CACNA2D1: variants seen among roughly 807,000 people sequenced by gnomAD.
The protein encoded by CACNA2D1 is voltage-dependent calcium channel subunit alpha-2/delta-1.
A neutral mutation model predicts 171.5 loss-of-function variants in CACNA2D1; 53 were observed. That is an observed-to-expected ratio of 0.31 (90% CI 0.25 to 0.39). CACNA2D1 has a LOEUF of 0.39. Among genes scored for constraint, CACNA2D1 ranks in the 10% least tolerant of loss-of-function variants. CACNA2D1 has a pLI of 1.00. For missense variants in CACNA2D1, 903 were observed against 1,299.8 expected, an observed-to-expected ratio of 0.69 and a Z score of 4.69; for synonymous variants, 442 against 443.1, an observed-to-expected ratio of 1.00 and a Z score of 0.03.
chr7:82,194,383 T>C (rs757590722), intron 3 of CACNA2D1, among the ~76,000 whole-genome samples: 1 of 152,060 alleles, frequency 6.6e-6, no homozygotes, highest in Non-Finnish European at 1.5e-5. Flanking sequence ...TTATTTCTTA[T>C]GCTGGAATGG....
intron 3 of CACNA2D1, among the ~76,000 whole-genome samples, chr7:82,290,186 T>C (rs978008727): frequency 2.0e-5 from 3 of 152,150 alleles, no homozygotes; most frequent in Non-Finnish European, 4.4e-5. Flanking sequence ...TTAATGAAGT[T>C]CTGAACTAAG....
At chr7:82,069,397 T>C (rs1047818765) in intron 7 of CACNA2D1, among the ~76,000 whole-genome samples, 3 of 152,170 alleles carry the variant, frequency 2.0e-5, no homozygotes, top group African/African-American at 4.8e-5. Context: ...GAACTGAAAA[T>C]GACAGTTCAC....
At chr7:82,245,116 A>G (rs1804749190) in intron 3 of CACNA2D1, among the ~76,000 whole-genome samples, 1 of 152,194 alleles carries the variant, frequency 6.6e-6, no homozygotes. Context: ...TTTTCTAACA[A>G]AGCATAAAGC....
chr7:82,411,405 A>C (rs1367111475), intron 1 of CACNA2D1, among the ~76,000 whole-genome samples: 1 of 152,206 alleles, frequency 6.6e-6, no homozygotes, highest in Non-Finnish European at 1.5e-5. Context: ...TGTTTTATAG[A>C]ATTGAGACCA....
At chr7:82,113,363 T>C (rs1193143628) in intron 6 of CACNA2D1, among the ~76,000 whole-genome samples, 1 of 152,174 alleles carries the variant, frequency 6.6e-6, no homozygotes, top group East Asian at 1.9e-4. Context: ...CTAAGTTATA[T>C]GCTTGTCTTG....
At chr7:81,973,534 G>C (rs1208617610) in intron 25 of CACNA2D1, among the ~76,000 whole-genome samples, 2 of 151,716 alleles carry the variant, frequency 1.3e-5, no homozygotes, top group Admixed American at 6.6e-5. Context: ...CTAATAGAAA[G>C]ATAAATAATT....
intron 1 of CACNA2D1, among the ~76,000 whole-genome samples, chr7:82,432,201 CTG>C (rs1456067767): frequency 1.3e-5 from 2 of 152,218 alleles, no homozygotes; most frequent in East Asian, 3.9e-4. Context: ...TTAGTTCAAA[CTG>C]TGAATATCTA....
intron 1 of CACNA2D1, among the ~76,000 whole-genome samples, chr7:82,363,254 C>CTCTTTTTTTTTTTTTTT (rs1821286522): frequency 6.3e-5 from 4 of 63,420 alleles, no homozygotes; most frequent in African/African-American, 3.3e-4. Context: ...TTATTTGTCT[C>CTCTTTTTTTTTTTTTTT]TTTTTTTTTT....
intron 1 of CACNA2D1, among the ~76,000 whole-genome samples, chr7:82,429,400 G>GA (rs1053599462): frequency 6.0e-5 from 9 of 150,890 alleles, no homozygotes; most frequent in South Asian, 4.3e-4. Context: ...AAGGAAGAAG[G>GA]AAAAAAAAAT....
intron 1 of CACNA2D1, among the ~76,000 whole-genome samples, chr7:82,427,309 C>T (rs1421078926): frequency 6.6e-6 from 1 of 152,136 alleles, no homozygotes; most frequent in East Asian, 1.9e-4. Context: ...GGAGCATAAC[C>T]ACAAGCATGG....
chr7:82,059,956 T>A (rs1229498903), intron 10 of CACNA2D1, among the ~76,000 whole-genome samples: 1 of 75,678 alleles, frequency 1.3e-5, no homozygotes, highest in Non-Finnish European at 2.3e-5. Context: ...TGAGATCACA[T>A]GGACACAGGA....
At chr7:81,976,160 T>C (rs1335887041) in intron 24 of CACNA2D1, among the ~76,000 whole-genome samples, 1 of 152,062 alleles carries the variant, frequency 6.6e-6, no homozygotes, top group Non-Finnish European at 1.5e-5. Context: ...ATAAAATTTA[T>C]AATTCTGAAA....
intron 2 of CACNA2D1, among the ~76,000 whole-genome samples, chr7:82,336,045 T>C (rs569527314): frequency 5.9e-5 from 9 of 152,214 alleles, no homozygotes; most frequent in South Asian, 2.1e-4. Flanking sequence ...AGTCACAGTG[T>C]TTGTGGCTGG....
chr7:82,165,411 T>C (rs1795344310), intron 4 of CACNA2D1, among the ~76,000 whole-genome samples: 1 of 152,036 alleles, frequency 6.6e-6, no homozygotes, highest in Non-Finnish European at 1.5e-5. Context: ...TTAGAAAATA[T>C]TAAAAATTGT....
At chr7:82,152,136 G>T (rs1446154359) in intron 4 of CACNA2D1, among the ~76,000 whole-genome samples, 2 of 151,976 alleles carry the variant, frequency 1.3e-5, no homozygotes, top group South Asian at 2.1e-4. Flanking sequence ...TCCTAAAAAT[G>T]ATTAATCAAT....
intron 1 of CACNA2D1, among the ~76,000 whole-genome samples, chr7:82,366,903 C>CTTTTTTTTTTTTTTTTTTATT (rs1821793625): frequency 3.5e-5 from 3 of 86,944 alleles, no homozygotes; most frequent in Non-Finnish European, 6.9e-5. Context: ...TGGTTTTGAC[C>CTTTTTTTTTTTTTTTTTTATT]TTTTTTTTTT....
intron 2 of CACNA2D1, among the ~76,000 whole-genome samples, chr7:82,342,441 G>A (rs1818787632): frequency 6.6e-6 from 1 of 152,108 alleles, no homozygotes; most frequent in Non-Finnish European, 1.5e-5. Flanking sequence ...CTGGGAATGT[G>A]AATAATGATT....
At chr7:82,156,211 C>G (rs1210338507) in intron 4 of CACNA2D1, among the ~76,000 whole-genome samples, 1 of 152,104 alleles carries the variant, frequency 6.6e-6, no homozygotes, top group East Asian at 1.9e-4. Flanking sequence ...CATGCTTTTA[C>G]TTTAATTCAG....
At chr7:82,255,413 C>T (rs1050010116) in intron 3 of CACNA2D1, among the ~76,000 whole-genome samples, 2 of 152,142 alleles carry the variant, frequency 1.3e-5, no homozygotes, top group Non-Finnish European at 2.9e-5. Context: ...ATAAAGCTAG[C>T]TCCAAAGGTG....
Sources: allele counts gnomAD v4.1 joint callset (sites outside exome capture counted in the v4.1 genomes callset), GRCh38; gene constraint gnomAD v4.1.1; transcripts MANE v1.5; gene names NCBI Gene and HGNC (gene_info 2026-07-23, HGNC 2026-07-21).